Variants in NOL4 observed in about 807,000 individuals in gnomAD.
The protein encoded by NOL4 is cancer/testis antigen 125.
Under a neutral mutation model 75.9 loss-of-function variants are expected in NOL4, and 17 were observed. That is an observed-to-expected ratio of 0.22 (90% confidence interval 0.15 to 0.34). The LOEUF is 0.34. Among genes scored for constraint, NOL4 ranks in the 10% least tolerant of loss-of-function variants. The pLI is 1.00. For synonymous variants in NOL4, 292 were observed against 289.9 expected, an observed-to-expected ratio of 1.01 and a Z score of -0.07; for missense variants, 614 against 793.5, an observed-to-expected ratio of 0.77 and a Z score of 2.72.
At chr18:33,913,321 G>A (rs150235257) in intron 9 of NOL4, among the ~76,000 whole-genome samples, 86 of 152,170 alleles carry the variant, frequency 5.7e-4, no homozygotes, top group African/African-American at 2.0e-3. Flanking sequence ...TAAATATTGA[G>A]TAACAAAGGG....
chr18:33,889,127 A>T (rs2064945861), intron 9 of NOL4, among the ~76,000 whole-genome samples: 1 of 152,062 alleles, frequency 6.6e-6, no homozygotes, highest in African/African-American at 2.4e-5. Flanking sequence ...TGCTAGCAAG[A>T]CTAATAAAGA....
intron 10 of NOL4, among the ~76,000 whole-genome samples, chr18:33,878,080 G>A (rs2064037648): frequency 2.0e-5 from 3 of 152,038 alleles, no homozygotes; most frequent in Admixed American, 2.0e-4. Flanking sequence ...GGTTTTAGAT[G>A]GTGAAGTGAC....
chr18:33,886,857 A>G (rs565263261), intron 9 of NOL4, among the ~76,000 whole-genome samples: 309 of 142,344 alleles, frequency 2.2e-3, no homozygotes, highest in African/African-American at 7.2e-3. Flanking sequence ...ATATATCTAC[A>G]TATATCTATA....
intron 5 of NOL4, among the ~76,000 whole-genome samples, chr18:34,036,819 G>A (rs1008852737): frequency 3.3e-5 from 5 of 152,066 alleles, no homozygotes; most frequent in Non-Finnish European, 7.4e-5. Flanking sequence ...AGCTACTCAG[G>A]ATTACAGGAG....
At chr18:33,997,809 T>G (rs1295513860) in intron 6 of NOL4, among the ~76,000 whole-genome samples, 4 of 151,308 alleles carry the variant, frequency 2.6e-5, no homozygotes, top group Non-Finnish European at 5.9e-5. Context: ...AATTTGCACA[T>G]GAATTTCATA....
intron 1 of NOL4, among the ~76,000 whole-genome samples, chr18:34,204,563 A>T (rs1195609228): frequency 1.3e-5 from 2 of 152,166 alleles, no homozygotes; most frequent in Non-Finnish European, 2.9e-5. Context: ...GGAAAAAAGA[A>T]TGAGTGAAGA....
chr18:34,220,650 G>C (rs2037232065), intron 1 of NOL4, among the ~76,000 whole-genome samples: 1 of 152,078 alleles, frequency 6.6e-6, no homozygotes, highest in Non-Finnish European at 1.5e-5. Flanking sequence ...CTGTCTCTCA[G>C]AGAAGGAGGA....
chr18:34,028,335 A>G (rs2144613388), intron 5 of NOL4, among the ~76,000 whole-genome samples: 1 of 152,352 alleles, frequency 6.6e-6, no homozygotes, highest in South Asian at 2.1e-4. Context: ...TTCACTGCTG[A>G]TGGCACATTT....
chr18:34,076,449 A>G (rs2145332619), intron 5 of NOL4, among the ~76,000 whole-genome samples: 1 of 152,282 alleles, frequency 6.6e-6, no homozygotes, highest in South Asian at 2.1e-4. Context: ...CAATGTGACA[A>G]AAAATACTGC....
intron 10 of NOL4, among the ~76,000 whole-genome samples, chr18:33,861,823 T>A (rs2063150433): frequency 6.6e-6 from 1 of 151,972 alleles, no homozygotes; most frequent in African/African-American, 2.4e-5. Context: ...AGAATCAATA[T>A]CATGAAAATG....
At chr18:33,950,366 C>A (rs1450878816) in intron 8 of NOL4, among the ~76,000 whole-genome samples, 2 of 151,732 alleles carry the variant, frequency 1.3e-5, no homozygotes, top group Admixed American at 1.3e-4. Flanking sequence ...ATTAAAATAC[C>A]AGTTGCAAGA....
At chr18:34,077,414 C>CAT (rs1223345936) in intron 5 of NOL4, among the ~76,000 whole-genome samples, 2 of 152,034 alleles carry the variant, frequency 1.3e-5, no homozygotes, top group East Asian at 1.9e-4. Context: ...CATATATCTA[C>CAT]ATATATATAG....
chr18:33,900,774 C>T (rs1295475950), intron 9 of NOL4, among the ~76,000 whole-genome samples: 1 of 152,130 alleles, frequency 6.6e-6, no homozygotes, highest in African/African-American at 2.4e-5. Context: ...CTTTTAGAGG[C>T]CAGCGAAAGT....
chr18:33,871,474 A>G (rs1163243209), intron 10 of NOL4, among the ~76,000 whole-genome samples: 1 of 152,044 alleles, frequency 6.6e-6, no homozygotes, highest in Admixed American at 6.6e-5. Context: ...TAAGTGGCAG[A>G]GGGCTGGTGA....
chr18:33,952,679 C>A (rs1338199682), intron 8 of NOL4, among the ~76,000 whole-genome samples: 4 of 152,320 alleles, frequency 2.6e-5, no homozygotes, highest in African/African-American at 9.6e-5. Context: ...AATCCCAGCA[C>A]TTTGGGAGGC....
chr18:34,024,241 T>C (rs1208342783), intron 5 of NOL4, among the ~76,000 whole-genome samples: 1 of 121,042 alleles, frequency 8.3e-6, no homozygotes, highest in East Asian at 2.0e-4. Flanking sequence ...CATTAGTACT[T>C]GGAAATTTAG....
At chr18:34,095,245 A>ATGTGTG (rs761927350) in intron 4 of NOL4, among the ~76,000 whole-genome samples, 64 of 94,322 alleles carry the variant, frequency 6.8e-4, no homozygotes, top group East Asian at 1.8e-3. Flanking sequence ...CTAAATTCTA[A>ATGTGTG]TGTGTATGTG....
intron 1 of NOL4, among the ~76,000 whole-genome samples, chr18:34,175,698 C>T (rs1233844468): frequency 1.3e-5 from 2 of 152,044 alleles, no homozygotes; most frequent in Non-Finnish European, 2.9e-5. Flanking sequence ...TTATTGGTTC[C>T]AAGCATTAAA....
At chr18:33,929,006 A>C (rs73414368) in intron 9 of NOL4, among the ~76,000 whole-genome samples, 2,330 of 151,642 alleles carry the variant, frequency 0.015, 47 homozygotes, top group African/African-American at 0.052. Flanking sequence ...AGAAAACCTG[A>C]AATGAGAGGT....
Sources: allele counts gnomAD v4.1 joint callset (sites outside exome capture counted in the v4.1 genomes callset), GRCh38; gene constraint gnomAD v4.1.1; transcripts MANE v1.5; gene names NCBI Gene and HGNC (gene_info 2026-07-23, HGNC 2026-07-21).